CTNNA1: variants seen among roughly 807,000 people sequenced by gnomAD.
The protein encoded by CTNNA1 is catenin alpha-1.
CTNNA1 carries 37 observed loss-of-function variants against 98.4 expected under a neutral mutation model. That is an observed-to-expected ratio of 0.38 (90% CI 0.29 to 0.49). The LOEUF is 0.49. Among genes scored for constraint, CTNNA1 ranks in the 20% least tolerant of loss-of-function variants. The pLI is 0.95. For synonymous variants in CTNNA1, 404 were observed against 413.2 expected (o/e 0.98, Z 0.27); for missense variants, 761 against 1,147.2 (o/e 0.66, Z 4.86).
intron 7 of CTNNA1, among the ~76,000 whole-genome samples, chr5:138,860,684 C>T (rs1340910422): frequency 1.3e-5 from 2 of 151,962 alleles, no homozygotes; most frequent in Non-Finnish European, 2.9e-5. Context: ...TTAGTAGAGA[C>T]GGGGTTTCAC....
At chr5:138,901,620 G>A (rs1758056394) in intron 9 of CTNNA1, among the ~76,000 whole-genome samples, 1 of 152,068 alleles carries the variant, frequency 6.6e-6, no homozygotes, top group African/African-American at 2.4e-5. Context: ...ATAGAGATGG[G>A]GTCTTGCTAT....
At chr5:138,877,605 G>A (rs538818772) in intron 7 of CTNNA1, among the ~76,000 whole-genome samples, 1 of 151,826 alleles carries the variant, frequency 6.6e-6, no homozygotes, top group African/African-American at 2.4e-5. Context: ...CCGCCACCAC[G>A]CCCGGCTAAT....
intron 1 of CTNNA1, among the ~76,000 whole-genome samples, chr5:138,761,144 T>C (rs1313751677): frequency 6.6e-6 from 1 of 152,236 alleles, no homozygotes; most frequent in East Asian, 1.9e-4. Context: ...TTTGTACTCT[T>C]ATATTCTGTG....
intron 11 of CTNNA1, among the ~76,000 whole-genome samples, chr5:138,919,035 G>A (rs1762387813): frequency 6.6e-6 from 1 of 152,206 alleles, no homozygotes; most frequent in African/African-American, 2.4e-5. Flanking sequence ...AAACTGGGGA[G>A]CAAGCCATCT....
chr5:138,879,073 G>C (rs1023664740), intron 7 of CTNNA1, among the ~76,000 whole-genome samples: 1 of 150,526 alleles, frequency 6.6e-6, no homozygotes, highest in African/African-American at 2.4e-5. Flanking sequence ...AGCTGGGCAC[G>C]GTGACAGGAG....
chr5:138,913,058 CTT>C (rs35292208), intron 10 of CTNNA1, among the ~76,000 whole-genome samples: 46,028 of 146,166 alleles, frequency 0.31, 7,233 homozygotes, highest in African/African-American at 0.37. Flanking sequence ...ACTGAAGTGA[CTT>C]TTTTTTTTTT....
intron 10 of CTNNA1, among the ~76,000 whole-genome samples, chr5:138,912,646 A>G (rs555104735): frequency 1.3e-5 from 2 of 152,332 alleles, no homozygotes; most frequent in South Asian, 4.1e-4. Flanking sequence ...GTCACACTGT[A>G]CTGGGGCTCA....
chr5:138,890,788 A>G (rs1303426674), intron 9 of CTNNA1, among the ~76,000 whole-genome samples: 1 of 152,202 alleles, frequency 6.6e-6, no homozygotes, highest in Non-Finnish European at 1.5e-5. Flanking sequence ...CCATATCCTG[A>G]GGAATCTCCT....
rs570915486 is a variant in CTNNA1, at chr5:138,838,968, ATTT to A, written c.1062+11252_1062+11254del. ...TTTGTTCAGTTCAAGATATTTTAAA[ATTT>A]TCCTCGAGTCTTCTTCTTTGATCAC... On this transcript the variant is annotated intron_variant, in intron 7 of 17. Transcript: ENST00000302763. 3.6e-3 allele frequency among the ~76,000 whole-genome samples: 541 copies of A among 151,526 alleles called. 2 individuals carry two copies. Among genetic ancestry groups the A allele is most frequent in the Non-Finnish European group, 6.0e-3 (404 of 67,812 alleles).
intron 7 of CTNNA1, among the ~76,000 whole-genome samples, chr5:138,865,314 A>G (rs1206556373): frequency 6.6e-6 from 1 of 152,128 alleles, no homozygotes; most frequent in Non-Finnish European, 1.5e-5. Context: ...GGGTCACGGC[A>G]AAGTTTAGGT....
At chr5:138,789,604 T>C (rs1756127488) in intron 3 of CTNNA1, among the ~76,000 whole-genome samples, 1 of 152,140 alleles carries the variant, frequency 6.6e-6, no homozygotes, top group Admixed American at 6.5e-5. Flanking sequence ...ACTACAGGCA[T>C]GTGCCACCAC....
rs561810145 is a variant in CTNNA1 at position 138,888,536 on chromosome 5, C to T, written c.1296+894C>T. On this transcript the variant is annotated intron_variant, in intron 9 of 17. Coordinates refer to ENST00000302763, the MANE Select transcript of CTNNA1 (RefSeq NM_001903.5). ...TTGAATTTATAGTGATATTAGGCCA[C>T]GTTTTGTTTTGTTTTTATTTGTTTG... Among the ~76,000 whole-genome samples the T allele has an allele frequency of 3.9e-5, 6 of 152,070 alleles. No homozygotes were observed. The East Asian group carries it at 9.7e-4, about 24-fold the overall frequency.
chr5:138,778,285 C>T (rs903342846), intron 1 of CTNNA1, among the ~76,000 whole-genome samples: 8 of 152,196 alleles, frequency 5.3e-5, no homozygotes, highest in African/African-American at 1.4e-4. Context: ...TGAGCCTCCG[C>T]GCCCGGCTGC....
chr5:138,825,338 C>G (rs1287169542), intron 6 of CTNNA1, among the ~76,000 whole-genome samples: 4 of 152,144 alleles, frequency 2.6e-5, no homozygotes. Flanking sequence ...ACTTTCTTAG[C>G]ATAATGCCAT....
At chr5:138,923,352 AATATGT>A (rs1398925931) in intron 11 of CTNNA1, among the ~76,000 whole-genome samples, 2 of 152,168 alleles carry the variant, frequency 1.3e-5, no homozygotes. Context: ...TTAGAAGTTT[AATATGT>A]TTACTCTTTT....
chr5:138,927,710 TAATGAATG>T lies in CTNNA1; in HGVS notation c.1900-1506_1900-1499del, dbSNP rs749302365. The stretch of plus-strand genomic sequence containing the variant: ...CCCAGAACAGTGCTTGGCAGAGAGA[TAATGAATG>T]AATGAATGAATGAATGAATGAATGA... On this transcript the variant is annotated intron_variant, in intron 13 of 17. Coordinates refer to ENST00000302763, the MANE Select transcript of CTNNA1 (RefSeq NM_001903.5). 9.9e-3 allele frequency among the ~76,000 whole-genome samples: 1,492 copies of T among 151,046 alleles called. 20 individuals carry two copies. Among genetic ancestry groups the T allele is most frequent in the African/African-American group, 0.026 (1,070 of 40,956 alleles).
chr5:138,790,367 A>G (rs1756221290), intron 3 of CTNNA1, among the ~76,000 whole-genome samples: 1 of 152,232 alleles, frequency 6.6e-6, no homozygotes, highest in African/African-American at 2.4e-5. Context: ...GTGTTCTTAC[A>G]GGTGTAAAAT....
rs1402504955 is a variant in CTNNA1 at position 138,824,784 on chromosome 5, A to G, written c.843A>G (p.Ala281=). 6.2e-7 allele frequency: 1 copy of G among 1,613,420 alleles called. No homozygotes were observed. The highest frequency in any genetic ancestry group is 1.7e-5 in the Admixed American group (1 of 60,026). ...GAGGAGGAGGAGAACTGGCATATGC[A>G]CTCAATAACTTTGACGTAAGTTATG... ...QGGGGGELAY[A]LNNFDKQIIV... Residue 281 remains alanine, a synonymous_variant, in exon 6 of 18, where the codon GCA becomes GCG. Coordinates refer to ENST00000302763, the MANE Select transcript of CTNNA1 (RefSeq NM_001903.5).
chr5:138,882,492 T>C (rs1753130422), intron 7 of CTNNA1, among the ~76,000 whole-genome samples: 1 of 152,206 alleles, frequency 6.6e-6, no homozygotes, highest in African/African-American at 2.4e-5. Flanking sequence ...TCTTTCAATG[T>C]AGGGCACTTT....
Sources: gnomAD v4.1 joint callset for allele counts (sites outside exome capture counted in the v4.1 genomes callset) on GRCh38, gnomAD v4.1.1 for gene constraint, MANE v1.5 for transcripts, NCBI Gene and HGNC (gene_info 2026-07-23, HGNC 2026-07-21) for gene names.